The following SRGAP3 variants were observed in gnomAD, a reference collection of about 807,000 sequenced individuals.
SRGAP3 encodes the protein SLIT-ROBO Rho GTPase activating protein 3, also known as SLIT-ROBO Rho GTPase-activating protein 3.
SRGAP3 carries 39 observed loss-of-function variants against 121.1 expected under a neutral mutation model. That is an observed-to-expected ratio of 0.32 (90% confidence interval 0.25 to 0.42). The LOEUF (loss-of-function observed/expected upper bound fraction) is 0.42. Among genes scored for constraint, SRGAP3 ranks in the 10% least tolerant of loss-of-function variants. SRGAP3 has a pLI of 1.00. For synonymous variants in SRGAP3, 601 were observed against 570.0 expected, an observed-to-expected ratio of 1.05 and a Z score of -0.77; for missense variants, 1,213 against 1,470.6, an observed-to-expected ratio of 0.82 and a Z score of 2.86.
intron 3 of SRGAP3, among the ~76,000 whole-genome samples, chr3:9,080,594 G>A (rs899344941): frequency 6.6e-6 from 1 of 152,240 alleles, no homozygotes; most frequent in African/African-American, 2.4e-5. Flanking sequence ...CAGAATATGA[G>A]TCCCCAGCCT....
chr3:9,067,725 G>A (rs1034637504), intron 4 of SRGAP3, among the ~76,000 whole-genome samples: 1 of 152,160 alleles, frequency 6.6e-6, no homozygotes, highest in African/African-American at 2.4e-5. Context: ...GGGCCTATAG[G>A]TGCAGCAAAC....
intron 3 of SRGAP3, among the ~76,000 whole-genome samples, chr3:9,260,831 G>A (rs1204958993): frequency 6.6e-6 from 1 of 152,236 alleles, no homozygotes; most frequent in Non-Finnish European, 1.5e-5. Flanking sequence ...GGTTCTCCCA[G>A]CACAGTGCTT....
chr3:9,216,798 GGCCTCTAC>G (rs1952650793), intron 1 of SRGAP3: 1 of 152,360 alleles, frequency 6.6e-6, no homozygotes, highest in South Asian at 2.1e-4. Context: ...AACGTGATGC[GGCCTCTAC>G]GCATACAATG....
At chr3:9,125,531 C>A (rs1949190091) in intron 1 of SRGAP3, among the ~76,000 whole-genome samples, 1 of 152,216 alleles carries the variant, frequency 6.6e-6, no homozygotes. Flanking sequence ...AAGGCCACAT[C>A]TGTGTCCTGC....
intron 8 of SRGAP3, among the ~76,000 whole-genome samples, 161 bp from the exon 9 acceptor site, chr3:9,053,385 A>G (rs1449382286): frequency 2.0e-5 from 3 of 152,370 alleles, no homozygotes; most frequent in Middle Eastern, 3.4e-3. Context: ...TGGAAAACAC[A>G]AATTAGTCAC....
At chr3:9,168,893 C>A (rs542646232) in intron 1 of SRGAP3, among the ~76,000 whole-genome samples, 9 of 152,344 alleles carry the variant, frequency 5.9e-5, no homozygotes, top group African/African-American at 1.9e-4. Context: ...GGAGCATGAA[C>A]CCTGGAGCCA....
intron 1 of SRGAP3, among the ~76,000 whole-genome samples, chr3:9,160,414 A>G (rs983378890): frequency 6.6e-6 from 1 of 152,234 alleles, no homozygotes; most frequent in Non-Finnish European, 1.5e-5. Context: ...CCTGGAAGCC[A>G]GCTGCCATGC....
chr3:9,147,099 C>T (rs1339874162), intron 1 of SRGAP3, among the ~76,000 whole-genome samples: 1 of 152,200 alleles, frequency 6.6e-6, no homozygotes, highest in African/African-American at 2.4e-5. Flanking sequence ...ACAGACAATA[C>T]CATTCCCATT....
At chr3:9,325,102 G>C (rs1473864133) in intron 3 of SRGAP3, among the ~76,000 whole-genome samples, 1 of 151,832 alleles carries the variant, frequency 6.6e-6, no homozygotes, top group Non-Finnish European at 1.5e-5. Context: ...ATGTCCTCAT[G>C]GTCGCACATT....
At chr3:9,087,893 C>G (rs1947571094) in intron 3 of SRGAP3, among the ~76,000 whole-genome samples, 3 of 152,134 alleles carry the variant, frequency 2.0e-5, no homozygotes, top group Admixed American at 2.0e-4. Context: ...CCAGAGGGAA[C>G]CAGCCCAGGC....
chr3:9,091,932 T>C (rs907912964), intron 3 of SRGAP3, among the ~76,000 whole-genome samples: 4 of 152,184 alleles, frequency 2.6e-5, no homozygotes, highest in Admixed American at 6.5e-5. Context: ...CATCTACTCA[T>C]TTTTCAAGAA....
rs574810715 is a variant in SRGAP3, at chr3:9,299,788, T to G, written n.442+26222A>C. Among the ~76,000 whole-genome samples, 178 of 152,270 alleles carry G rather than the reference T, an allele frequency of 1.2e-3. 1 individual carries two copies. Among genetic ancestry groups the G allele is most frequent in the Non-Finnish European group, 1.9e-3 (132 of 68,016 alleles). On this transcript the variant is annotated intron_variant and non_coding_transcript_variant, in intron 3 of 3. Transcript: ENST00000490889. ...AGCCAGGCATGGTGGCACACACCTGTAATCCCTGCTACTCAGGAGGCTGAG... is the reference window on the plus strand; with the variant it reads ...AGCCAGGCATGGTGGCACACACCTGGAATCCCTGCTACTCAGGAGGCTGAG...
intron 1 of SRGAP3, among the ~76,000 whole-genome samples, chr3:9,179,782 T>C (rs1176434373): frequency 6.6e-6 from 1 of 152,242 alleles, no homozygotes; most frequent in Non-Finnish European, 1.5e-5. Flanking sequence ...CAAGGTGCCA[T>C]GTTGGCCTTC....
At chr3:9,052,995 C>T in intron 9 of SRGAP3, 32 bp downstream of exon 9, 1 of 1,610,098 alleles carries the variant, frequency 6.2e-7, no homozygotes, top group Non-Finnish European at 8.5e-7. Flanking sequence ...GCTTGGCCGA[C>T]AGTGTGGTTC....
chr3:9,165,841 T>A (rs1031395079), intron 1 of SRGAP3, among the ~76,000 whole-genome samples: 94 of 152,302 alleles, frequency 6.2e-4, no homozygotes, highest in African/African-American at 2.2e-3. Context: ...AACCCTCAGC[T>A]AGGTCAGATG....
In SRGAP3 at chr3:9,109,948, AG is replaced by A. The variant is rs1455023233; in HGVS notation, c.261-5107del. ...AGCAGGTGAACATGGAGACTGAGGC[AG>A]GGGCCACTTGGGAAAGGGCCTTTAA... On this transcript the variant is annotated intron_variant, in intron 2 of 21. Coordinates refer to ENST00000383836, the MANE Select transcript of SRGAP3 (RefSeq NM_014850.4). The surrounding 1 kb of genome is among the most constrained non-coding windows in gnomAD (Gnocchi z 4.4). 6.6e-6 allele frequency among the ~76,000 whole-genome samples: 1 copy of A among 152,150 alleles called. No homozygotes were observed. Among genetic ancestry groups the A allele is most frequent in the Non-Finnish European group, 1.5e-5 (1 of 68,014 alleles).
chr3:9,208,175 C>T (rs1011800859), intron 1 of SRGAP3, among the ~76,000 whole-genome samples: 1 of 151,932 alleles, frequency 6.6e-6, no homozygotes, highest in Non-Finnish European at 1.5e-5. Context: ...TATGTCCACC[C>T]TTTCCCAGAC....
intron 1 of SRGAP3, among the ~76,000 whole-genome samples, chr3:9,200,647 T>C (rs1353028371): frequency 6.6e-6 from 1 of 151,850 alleles, no homozygotes; most frequent in Non-Finnish European, 1.5e-5. Context: ...CATGAAGGAG[T>C]GTGTGCCTCC....
intron 10 of SRGAP3, 65 bp downstream of exon 10, chr3:9,047,326 G>A: frequency 6.5e-7 from 1 of 1,531,390 alleles, no homozygotes; most frequent in Non-Finnish European, 9.0e-7. Flanking sequence ...AACACGTCAG[G>A]GGGCCACAGT....
Sources: allele counts gnomAD v4.1 joint callset (sites outside exome capture counted in the v4.1 genomes callset), GRCh38; gene constraint gnomAD v4.1.1; non-coding constraint Gnocchi (gnomAD v3.1); transcripts MANE v1.5; gene names NCBI Gene and HGNC (gene_info 2026-07-23, HGNC 2026-07-21).